MLLT1: variants seen among roughly 807,000 people sequenced by gnomAD.
MLLT1 encodes protein ENL.
Under a neutral mutation model 55.1 loss-of-function variants are expected in MLLT1, and 11 were observed. The ratio of observed to expected loss-of-function variants is 0.20; its 90% CI spans 0.13 to 0.33. The LOEUF (loss-of-function observed/expected upper bound fraction) is 0.33, where lower values mean the gene tolerates loss of function less well. Ranked by LOEUF, MLLT1 falls within the 10% of genes least tolerant of loss-of-function variation. The pLI is 1.00. For missense variants in MLLT1, 536 were observed against 760.6 expected (o/e 0.70, Z 3.47); for synonymous variants, 323 against 320.1 (o/e 1.01, Z -0.10).
Position 6,262,165 on chromosome 19 carries a change from G to C in MLLT1, c.276+63C>G. ...TCTCTGGCCTGTTTTGTGAACTGCC[G>C]TGGCACCCGGAGCAGGGGTCCCCAC... On this transcript the variant is annotated intron_variant, in intron 3 of 11. Transcript: ENST00000252674. This position sits in a 1 kb window ranked among gnomAD's most constrained non-coding sequence, Gnocchi z 4.4. 7.5e-7 allele frequency: 1 copy of C among 1,330,762 alleles called. No homozygotes were observed. The highest frequency in any genetic ancestry group is 1.1e-6 in the Non-Finnish European group (1 of 924,562). 82.4% of individuals were successfully genotyped at this position (1,330,762 alleles called of 1,614,324 possible).
rs764519502 is a variant in MLLT1, at chr19:6,213,738, G to A, written c.1467C>T (p.Gly489=). ...GGTGCCCCCCCACCTTGTCGTAGGT[G>A]CCCTTCTTGAGGATCTTCTCAGGCT... ...CSKPEKILKK[G]TYDKAYTDEL... is the part of the protein sequence containing the mutation. The change falls in exon 10 of 12, where the codon GGC becomes GGT. Residue 489 remains glycine (G), a synonymous_variant. Coordinates refer to ENST00000252674, the MANE Select transcript of MLLT1 (RefSeq NM_005934.4). 5 of 1,612,306 alleles carry A rather than the reference G, an allele frequency of 3.1e-6. No individual in the cohort carries two copies. The highest frequency in any genetic ancestry group is 3.3e-4 in the Middle Eastern group (2 of 6,054).
rs926853654 is a variant in MLLT1 at position 6,273,353 on chromosome 19, C to T, written c.13-2594G>A. Among the ~76,000 whole-genome samples the T allele has an allele frequency of 3.3e-5, 5 of 152,228 alleles. No homozygotes were observed. The highest frequency in any genetic ancestry group is 1.2e-4 in the African/African-American group (5 of 41,516). ...AGGACATTCAGGTAACCCCAAGATC[C>T]GGGCAGCAGGGACATTCACGACCCC... is the stretch of plus-strand genomic sequence containing the variant. On this transcript the variant is annotated intron_variant, in intron 1 of 11. Transcript: ENST00000252674. The surrounding 1 kb of genome is among the most constrained non-coding windows in gnomAD (Gnocchi z 4.3).
intron 3 of MLLT1, among the ~76,000 whole-genome samples, chr19:6,257,180 A>G (rs1027682887): frequency 3.9e-5 from 6 of 152,244 alleles, no homozygotes; most frequent in Non-Finnish European, 7.3e-5. Context: ...GATAAATAGA[A>G]TTTCATAAAC....
rs1020698324 is a variant in MLLT1 at position 6,264,823 on chromosome 19, C to T, written c.194-2513G>A. On this transcript the variant is annotated intron_variant, in intron 2 of 11. Transcript: ENST00000252674. Reference sequence around the variant, plus strand: ...GGCACGAGAATCACTTGCACCCAGGCGGTGGAGGTTGCAGTGAGCCAAGAT... The same window carrying T: ...GGCACGAGAATCACTTGCACCCAGGTGGTGGAGGTTGCAGTGAGCCAAGAT... Among the ~76,000 whole-genome samples, 10 of 135,822 alleles carry T rather than the reference C, an allele frequency of 7.4e-5. No individual in the cohort carries two copies. The South Asian group carries it at 7.7e-4, about 10-fold the overall frequency. 89.1% of individuals were successfully genotyped at this position (135,822 alleles called of 152,430 possible).
At chr19:6,275,244 G>A (rs187979926) in intron 1 of MLLT1, among the ~76,000 whole-genome samples, 34 of 152,300 alleles carry the variant, frequency 2.2e-4, no homozygotes, top group Admixed American at 1.3e-3. Context: ...CCTGGAGTTC[G>A]GCTACTGCAT....
chr19:6,230,261 T>C lies in MLLT1; in HGVS notation c.420+309A>G, dbSNP rs2090996681. On this transcript the variant is annotated intron_variant, in intron 4 of 11. Coordinates refer to ENST00000252674, the MANE Select transcript of MLLT1 (RefSeq NM_005934.4). The surrounding 1 kb of genome is among the most constrained non-coding windows in gnomAD (Gnocchi z 9.0). ...CCTGCCCAGCTAGTTACAAGCCAGC[T>C]CCAGGCCCAGCCACGCGGTCAGACC... Among the ~76,000 whole-genome samples the C allele has an allele frequency of 6.6e-6, 1 of 152,146 alleles. No individual in the cohort carries two copies. Among genetic ancestry groups the C allele is most frequent in the Non-Finnish European group, 1.5e-5 (1 of 68,018 alleles).
At chr19:6,246,301 C>G (rs2091167977) in intron 3 of MLLT1, among the ~76,000 whole-genome samples, 1 of 152,162 alleles carries the variant, frequency 6.6e-6, no homozygotes, top group Admixed American at 6.5e-5. Flanking sequence ...CCCAAATGAA[C>G]TGAAAACGTG....
At position 6,262,512 on chromosome 19, in the gene MLLT1, A is replaced by G. The variant is rs962024387; in HGVS notation, c.194-202T>C. Among the ~76,000 whole-genome samples, 6 of 152,134 alleles carry G rather than the reference A, an allele frequency of 3.9e-5. No homozygotes were observed. Among genetic ancestry groups the G allele is most frequent in the Non-Finnish European group, 5.9e-5 (4 of 68,020 alleles). On this transcript the variant is annotated intron_variant, in intron 2 of 11. Transcript: ENST00000252674. The surrounding 1 kb of genome is among the most constrained non-coding windows in gnomAD (Gnocchi z 4.4). ...TATCTTAGGAATAAAACAGCAGGGA[A>G]GAAGAGGAGAAAGGAGACTTGGCCA...
At chr19:6,217,858 C>T in intron 7 of MLLT1, 96 bp downstream of exon 7, 2 of 1,490,430 alleles carry the variant, frequency 1.3e-6, no homozygotes, top group Admixed American at 2.3e-5. Flanking sequence ...AGGGCCCAGC[C>T]TGTGCAGGCA....
intron 11 of MLLT1, 83 bp downstream of exon 11, chr19:6,213,254 G>A: frequency 6.2e-7 from 1 of 1,608,428 alleles, no homozygotes. Context: ...GGGGCTCCTG[G>A]GGCAGCACCA....
At chr19:6,237,196 G>A (rs1235319141) in intron 3 of MLLT1, among the ~76,000 whole-genome samples, 3 of 152,242 alleles carry the variant, frequency 2.0e-5, no homozygotes, top group Non-Finnish European at 4.4e-5. Flanking sequence ...CAAAGGCCCT[G>A]TGGCCGGCGG....
At chr19:6,239,975 T>C (rs967894460) in intron 3 of MLLT1, among the ~76,000 whole-genome samples, 4 of 152,052 alleles carry the variant, frequency 2.6e-5, no homozygotes, top group African/African-American at 4.8e-5. Context: ...CCATGTGGGC[T>C]GAAAACCTCT....
rs2091254477 is a variant in MLLT1 at position 6,256,040 on chromosome 19, A to G, written c.276+6188T>C. Among the ~76,000 whole-genome samples the G allele has an allele frequency of 3.3e-5, 5 of 151,830 alleles. No homozygotes were observed. In the South Asian group the frequency reaches 1.0e-3, roughly 32 times the overall value. On this transcript the variant is annotated intron_variant, in intron 3 of 11. Transcript: ENST00000252674. The surrounding 1 kb of genome is among the most constrained non-coding windows in gnomAD (Gnocchi z 4.1). ...AGACCAGCCTGGCCAATGTGGTGAA[A>G]CCCCATCTCTACTAAAAATGCAAAA...
intron 9 of MLLT1, 48 bp from the exon 10 acceptor site, chr19:6,213,845 A>G: frequency 6.3e-7 from 1 of 1,599,250 alleles, no homozygotes; most frequent in African/African-American, 1.3e-5. Context: ...CACCCTCCCC[A>G]GCCCCGAAGG....
intron 2 of MLLT1, among the ~76,000 whole-genome samples, chr19:6,268,643 G>C (rs1480848772): frequency 2.6e-5 from 4 of 152,174 alleles, no homozygotes; most frequent in Non-Finnish European, 5.9e-5. Flanking sequence ...ATGCCACAGA[G>C]TGTGAGCTGG....
In MLLT1 at chr19:6,219,255, C is replaced by G. The variant is rs890569408; in HGVS notation, c.1111-1214G>C. On this transcript the variant is annotated intron_variant, in intron 6 of 11. Coordinates refer to ENST00000252674, the MANE Select transcript of MLLT1 (RefSeq NM_005934.4). The surrounding 1 kb of genome is among the most constrained non-coding windows in gnomAD (Gnocchi z 4.5). Reference sequence around the variant, plus strand: ...GCAGCCCAACCCAGCCCCCTCCTGCCCCTCAAACCAGCCCCTGCCAGCGCC... The same window carrying G: ...GCAGCCCAACCCAGCCCCCTCCTGCGCCTCAAACCAGCCCCTGCCAGCGCC... Among the ~76,000 whole-genome samples the G allele has an allele frequency of 9.2e-5, 14 of 152,168 alleles. No homozygotes were observed. The highest frequency in any genetic ancestry group is 3.1e-4 in the African/African-American group (13 of 41,444).
intron 3 of MLLT1, among the ~76,000 whole-genome samples, chr19:6,239,903 T>A (rs2091099678): frequency 6.6e-6 from 1 of 152,150 alleles, no homozygotes; most frequent in Admixed American, 6.5e-5. Context: ...TCTGCATATA[T>A]CACCTTGGCT....
intron 8 of MLLT1, among the ~76,000 whole-genome samples, chr19:6,215,333 A>G (rs746565601): frequency 9.2e-5 from 14 of 152,232 alleles, no homozygotes; most frequent in Admixed American, 2.0e-4. Flanking sequence ...TCTTGGCGCA[A>G]GCAGAATCCA....
At chr19:6,232,365 G>T (rs985860329) in intron 3 of MLLT1, among the ~76,000 whole-genome samples, 2 of 152,210 alleles carry the variant, frequency 1.3e-5, no homozygotes, top group South Asian at 4.1e-4. Context: ...AACCAATGGT[G>T]CTGGGACAAC....
Sources: allele counts gnomAD v4.1 joint callset (sites outside exome capture counted in the v4.1 genomes callset), GRCh38; gene constraint gnomAD v4.1.1; non-coding constraint Gnocchi (gnomAD v3.1); transcripts MANE v1.5; gene names NCBI Gene and HGNC (gene_info 2026-07-23, HGNC 2026-07-21).